Variants in DSCAM observed in about 807,000 individuals in gnomAD.
DSCAM encodes DS cell adhesion molecule.
DSCAM carries 47 observed loss-of-function variants against 217.7 expected under a neutral mutation model. The observed-to-expected ratio is 0.22, with a 90% confidence interval of 0.17 to 0.28. DSCAM has a LOEUF of 0.28. Among genes scored for constraint, DSCAM ranks in the 10% least tolerant of loss-of-function variants. DSCAM has a pLI of 1.00. For missense variants in DSCAM, 2,080 were observed against 2,618.3 expected, an observed-to-expected ratio of 0.79 and a Z score of 4.49; for synonymous variants, 1,056 against 1,015.3, an observed-to-expected ratio of 1.04 and a Z score of -0.76.
intron 11 of DSCAM, among the ~76,000 whole-genome samples, chr21:40,244,557 G>C (rs984206398): frequency 6.6e-6 from 1 of 151,776 alleles, no homozygotes; most frequent in Non-Finnish European, 1.5e-5. Context: ...TTTGTTTTCT[G>C]TGATGCAGAT....
intron 8 of DSCAM, among the ~76,000 whole-genome samples, chr21:40,334,599 C>T (rs773826959): frequency 6.6e-6 from 1 of 152,122 alleles, no homozygotes; most frequent in Non-Finnish European, 1.5e-5. Context: ...CCCCTTTCCC[C>T]GAATAGACCA....
At chr21:40,795,678 C>T (rs1191209331) in intron 1 of DSCAM, among the ~76,000 whole-genome samples, 1 of 152,224 alleles carries the variant, frequency 6.6e-6, no homozygotes, top group Admixed American at 6.5e-5. Context: ...AAAACAAATT[C>T]AGAGAATAAT....
At chr21:40,743,227 G>A (rs1165723519) in intron 1 of DSCAM, among the ~76,000 whole-genome samples, 1 of 152,148 alleles carries the variant, frequency 6.6e-6, no homozygotes, top group Admixed American at 6.5e-5. Context: ...ACAAATGAAT[G>A]CAGCAGTGCT....
intron 11 of DSCAM, among the ~76,000 whole-genome samples, chr21:40,227,378 T>G (rs948330603): frequency 6.6e-6 from 1 of 152,206 alleles, no homozygotes; most frequent in Non-Finnish European, 1.5e-5. Context: ...AGGCATCTTA[T>G]GGCATGTTAA....
chr21:40,198,774 G>A (rs1016380324), intron 11 of DSCAM, among the ~76,000 whole-genome samples: 7 of 152,198 alleles, frequency 4.6e-5, no homozygotes, highest in Admixed American at 4.6e-4. Context: ...GATGACATGG[G>A]AGCTGTGGCT....
intron 28 of DSCAM, among the ~76,000 whole-genome samples, chr21:40,056,218 G>A (rs1004223167): frequency 1.3e-5 from 2 of 152,158 alleles, no homozygotes; most frequent in African/African-American, 2.4e-5. Context: ...GAGGAATAAA[G>A]CACCAGATAT....
At chr21:40,822,698 A>G (rs993450215) in intron 1 of DSCAM, among the ~76,000 whole-genome samples, 2 of 152,198 alleles carry the variant, frequency 1.3e-5, no homozygotes, top group Non-Finnish European at 2.9e-5. Context: ...CACCCTGCTT[A>G]GATAGTGCCA....
At chr21:40,632,575 T>C (rs1405891275) in intron 3 of DSCAM, among the ~76,000 whole-genome samples, 1 of 152,204 alleles carries the variant, frequency 6.6e-6, no homozygotes, top group Non-Finnish European at 1.5e-5. Flanking sequence ...GTTATTATCA[T>C]TGTTTTCAGT....
intron 10 of DSCAM, among the ~76,000 whole-genome samples, chr21:40,288,306 G>T (rs2073852187): frequency 6.6e-6 from 1 of 152,142 alleles, no homozygotes; most frequent in Non-Finnish European, 1.5e-5. Context: ...GACTATCCAT[G>T]GTATTGGCTG....
chr21:40,536,547 G>A (rs1042038245), intron 3 of DSCAM, among the ~76,000 whole-genome samples: 14 of 151,808 alleles, frequency 9.2e-5, no homozygotes, highest in Admixed American at 2.0e-4. Flanking sequence ...GACTACAGGC[G>A]CCCACCACCA....
intron 21 of DSCAM, 103 bp downstream of exon 21, chr21:40,093,618 T>G: frequency 7.3e-7 from 1 of 1,363,462 alleles, no homozygotes. Flanking sequence ...ATATTCTGGT[T>G]TATTTGATTT....
At chr21:40,520,660 A>G (rs1249806314) in intron 3 of DSCAM, among the ~76,000 whole-genome samples, 2 of 152,050 alleles carry the variant, frequency 1.3e-5, no homozygotes, top group African/African-American at 4.8e-5. Context: ...TAAAAAAATT[A>G]GCCGGGCATG....
In DSCAM at chr21:40,226,377, C is replaced by T. The variant is rs2090094030; in HGVS notation, c.2357-37139G>A. Among the ~76,000 whole-genome samples, 9 of 152,256 alleles carry T rather than the reference C, an allele frequency of 5.9e-5. No individual in the cohort carries two copies. In the South Asian group the frequency reaches 1.9e-3, roughly 32 times the overall value. ...TCTTGGATTGAAACAGAAATTTCTC[C>T]CTTGAACACTGAGTTGATAATAGCT... On this transcript the variant is annotated intron_variant, in intron 11 of 32. Transcript: ENST00000400454.
chr21:40,775,794 T>C (rs1027587206), intron 1 of DSCAM, among the ~76,000 whole-genome samples: 2 of 152,168 alleles, frequency 1.3e-5, no homozygotes, highest in African/African-American at 4.8e-5. Context: ...ATGTCCTTTT[T>C]GTACATTTGT....
At chr21:40,658,095 AGG>A (rs1472610439) in intron 3 of DSCAM, among the ~76,000 whole-genome samples, 1 of 152,204 alleles carries the variant, frequency 6.6e-6, no homozygotes, top group Non-Finnish European at 1.5e-5. Flanking sequence ...AGTCCAGGAA[AGG>A]TCCCACAGAG....
At chr21:40,161,494 T>G (rs1490793344) in intron 16 of DSCAM, among the ~76,000 whole-genome samples, 2 of 152,314 alleles carry the variant, frequency 1.3e-5, no homozygotes, top group East Asian at 3.9e-4. Flanking sequence ...TGCATTAATT[T>G]AACGCATATT....
intron 11 of DSCAM, among the ~76,000 whole-genome samples, chr21:40,192,794 T>C (rs1011308884): frequency 6.6e-6 from 1 of 152,208 alleles, no homozygotes; most frequent in African/African-American, 2.4e-5. Context: ...CACACGGATA[T>C]ACTGCATTTT....
intron 3 of DSCAM, among the ~76,000 whole-genome samples, chr21:40,635,526 C>A (rs1316017437): frequency 6.6e-6 from 1 of 152,142 alleles, no homozygotes; most frequent in Non-Finnish European, 1.5e-5. Flanking sequence ...GCCTGGAGAG[C>A]AAGCTTGTTA....
intron 3 of DSCAM, among the ~76,000 whole-genome samples, chr21:40,554,795 C>A (rs2076658136): frequency 6.6e-6 from 1 of 151,344 alleles, no homozygotes; most frequent in African/African-American, 2.5e-5. Context: ...GTAATCTCTG[C>A]TCCCATAATA....
Sources: gnomAD v4.1 joint callset for allele counts (sites outside exome capture counted in the v4.1 genomes callset) on GRCh38, gnomAD v4.1.1 for gene constraint, MANE v1.5 for transcripts, NCBI Gene and HGNC (gene_info 2026-07-23, HGNC 2026-07-21) for gene names.